Variants in SPNS1 observed in about 807,000 individuals in gnomAD.
SPNS1 encodes protein spinster homolog 1.
SPNS1 carries 22 observed loss-of-function variants against 50.3 expected under a neutral mutation model. The ratio of observed to expected loss-of-function variants is 0.44; its 90% CI spans 0.31 to 0.62. SPNS1 has a LOEUF of 0.62. Ranked by LOEUF, SPNS1 falls within the 20% of genes least tolerant of loss-of-function variation. The pLI is 0.07. For synonymous variants in SPNS1, 295 were observed against 317.4 expected, an observed-to-expected ratio of 0.93 and a Z score of 0.75; for missense variants, 576 against 728.6, an observed-to-expected ratio of 0.79 and a Z score of 2.41.
intron 8 of SPNS1, 116 bp downstream of exon 8, chr16:28,982,661 C>A: frequency 7.5e-7 from 1 of 1,326,412 alleles, no homozygotes; most frequent in East Asian, 2.3e-5. Context: ...TGGCTCTTCC[C>A]AGCTGTGTGA....
Position 28,983,180 on chromosome 16 carries a change from ACTC to A in SPNS1, c.1222-7_1222-5del. The A allele has an allele frequency of 6.3e-7, 1 of 1,592,562 alleles. No individual in the cohort carries two copies. The highest frequency in any genetic ancestry group is 8.6e-7 in the Non-Finnish European group (1 of 1,167,500). On this transcript the variant is annotated splice_polypyrimidine_tract_variant and intron_variant, in intron 9 of 11. Coordinates refer to ENST00000311008, the MANE Select transcript of SPNS1 (RefSeq NM_032038.3). This position sits in a 1 kb window ranked among gnomAD's most constrained non-coding sequence, Gnocchi z 5.4. ...CCAGAGCATCCACTGAGCTCCACCA[ACTC>A]CTCCACAGTACGTGGTGATCCCTAC... is the stretch of plus-strand genomic sequence containing the variant.
chr16:28,979,388 C>T lies in SPNS1; in HGVS notation c.597-17C>T, dbSNP rs745840934. On this transcript the variant is annotated splice_polypyrimidine_tract_variant and intron_variant, in intron 4 of 11. Transcript: ENST00000311008. ...TGACTGGCTGTCCCCCCTTTTTCCC[C>T]TCTCTCCCTCCCACAGTGGTCTGGG... 1 of 1,614,064 alleles carries T rather than the reference C, an allele frequency of 6.2e-7. No homozygotes were observed. Among genetic ancestry groups the T allele is most frequent in the Non-Finnish European group, 8.5e-7 (1 of 1,179,992 alleles).
In SPNS1 at chr16:28,981,099, G is replaced by C. The variant is rs1965533785; in HGVS notation, c.664-371G>C. Among the ~76,000 whole-genome samples the C allele has an allele frequency of 6.6e-6, 1 of 152,196 alleles. No individual in the cohort carries two copies. The highest frequency in any genetic ancestry group is 1.5e-5 in the Non-Finnish European group (1 of 68,032). The stretch of plus-strand genomic sequence containing the variant: ...CTTGGACCCTGGGGCCGTGTTTCCA[G>C]GATAGCGTCTGACTAGATGAACATG... On this transcript the variant is annotated intron_variant, in intron 5 of 11. Transcript: ENST00000311008. The surrounding 1 kb of genome is among the most constrained non-coding windows in gnomAD (Gnocchi z 4.2).
chr16:28,983,892 C>T lies in SPNS1; in HGVS notation c.1427C>T (p.Ala476Val). Reference protein sequence around the residue: ...LCAFVGALGGAAFLGTAIFIE... With the variant: ...LCAFVGALGGVAFLGTAIFIE... Reference sequence around the variant, plus strand: ...GCGTTTGTTGGGGCACTGGGCGGCGCAGCCTTCCTGGGCACCGCCATCTTC... The same window carrying T: ...GCGTTTGTTGGGGCACTGGGCGGCGTAGCCTTCCTGGGCACCGCCATCTTC... Residue 476 changes from alanine to valine, a missense_variant, in exon 11 of 12, where the codon GCA (alanine) becomes GTA (valine). Around this residue, in one of 3 missense-constraint regions of SPNS1, gnomAD observed 428 missense variants for 520.1 expected, o/e 0.82. Coordinates refer to ENST00000311008, the MANE Select transcript of SPNS1 (RefSeq NM_032038.3). The surrounding 1 kb of genome is among the most constrained non-coding windows in gnomAD (Gnocchi z 5.4). The T allele has an allele frequency of 2.5e-6, 4 of 1,601,462 alleles. No homozygotes were observed. Among genetic ancestry groups the T allele is most frequent in the South Asian group, 2.2e-5 (2 of 90,936 alleles).
chr16:28,982,349 C>T lies in SPNS1; in HGVS notation c.966-7C>T. The T allele has an allele frequency of 6.4e-7, 1 of 1,572,486 alleles. No individual in the cohort carries two copies. Among genetic ancestry groups the T allele is most frequent in the Non-Finnish European group, 8.7e-7 (1 of 1,154,994 alleles). On this transcript the variant is annotated splice_region_variant and splice_polypyrimidine_tract_variant and intron_variant, in intron 7 of 11. Transcript: ENST00000311008. ...ACAAACCCCCCATTCCCTTCCCTCACCCCTAGTCTCATCTTTGGACTCATC... is the reference window on the plus strand; with the variant it reads ...ACAAACCCCCCATTCCCTTCCCTCATCCCTAGTCTCATCTTTGGACTCATC...
At chr16:28,982,619 G>A (rs1036232985) in intron 8 of SPNS1, 74 bp downstream of exon 8, 11 of 1,474,992 alleles carry the variant, frequency 7.5e-6, no homozygotes, top group South Asian at 3.8e-5. Context: ...ATGGCCACTC[G>A]AGGTGGAATG....
rs373809494 is a variant in SPNS1, at chr16:28,975,589, G to A, written c.307+32G>A. 1.1e-5 allele frequency: 17 copies of A among 1,611,506 alleles called. No homozygotes were observed. In the African/African-American group the frequency reaches 1.7e-4, roughly 16 times the overall value. On this transcript the variant is annotated intron_variant, in intron 2 of 11. Transcript: ENST00000311008. The stretch of plus-strand genomic sequence containing the variant: ...GGGGACCACTCCTGGTCACACAGCC[G>A]CTCCTCCTTCTGTTCTGTCTCAAGT...
In SPNS1 at chr16:28,983,040, C is replaced by T. The variant is rs1316984413; in HGVS notation, c.1221+118C>T. The T allele has an allele frequency of 2.3e-6, 3 of 1,293,964 alleles. No homozygotes were observed. Among genetic ancestry groups the T allele is most frequent in the East Asian group, 4.8e-5 (2 of 42,074 alleles). 80.2% of individuals were successfully genotyped at this position (1,293,964 alleles called of 1,614,324 possible). ...TCAACCTACCTTCTGCAATAAATAA[C>T]ATCTGTAGCAGACCCCCGGCCTGCC... On this transcript the variant is annotated intron_variant, in intron 9 of 11. Transcript: ENST00000311008. This position sits in a 1 kb window ranked among gnomAD's most constrained non-coding sequence, Gnocchi z 5.4.
At chr16:28,982,964 G>A in intron 9 of SPNS1, 42 bp downstream of exon 9, 9 of 1,608,088 alleles carry the variant, frequency 5.6e-6, no homozygotes, top group Non-Finnish European at 7.7e-6. Flanking sequence ...AGAGGCTGAT[G>A]AGAGCAGAGT....
chr16:28,977,848 G>C, intron 2 of SPNS1, 60 bp from the exon 3 acceptor site: 1 of 1,590,634 alleles, frequency 6.3e-7, no homozygotes, highest in African/African-American at 1.3e-5. Context: ...GGTTCCAGCT[G>C]GGGTGGGAGT....
In SPNS1 at chr16:28,976,141, G is replaced by A. The variant is rs570727903; in HGVS notation, c.307+584G>A. On this transcript the variant is annotated intron_variant, in intron 2 of 11. Transcript: ENST00000311008. ...ACAAAAATTAGCCAGGCATGGTAGCGAGCGCCTGTAATCCCAGGTACTTGG... is the reference window on the plus strand; with the variant it reads ...ACAAAAATTAGCCAGGCATGGTAGCAAGCGCCTGTAATCCCAGGTACTTGG... 1.5e-4 allele frequency among the ~76,000 whole-genome samples: 23 copies of A among 152,254 alleles called. No individual in the cohort carries two copies. In the South Asian group the frequency reaches 4.4e-3, roughly 29 times the overall value.
rs1244180956 is a variant in SPNS1 at position 28,982,533 on chromosome 16, C to T, written c.1143C>T (p.Ile381=). ...CCCTTGCCTGCGCCCGTGGTAGCAT[C>T]GTGGCCACTTATGTGAGTAGCCAGC... is the stretch of plus-strand genomic sequence containing the variant. The part of the protein sequence containing the change: ...FLSLACARGS[I]VATYIFIFIG... The change falls in exon 8 of 12, where the codon ATC becomes ATT. Residue 381 remains isoleucine (I), a synonymous_variant. Coordinates refer to ENST00000311008, the MANE Select transcript of SPNS1 (RefSeq NM_032038.3). 3.7e-6 allele frequency: 6 copies of T among 1,608,686 alleles called. No individual in the cohort carries two copies. The highest frequency in any genetic ancestry group is 1.7e-5 in the Admixed American group (1 of 59,474).
intron 5 of SPNS1, 161 bp downstream of exon 5, chr16:28,979,632 C>A: frequency 1.4e-6 from 1 of 718,908 alleles, no homozygotes; most frequent in South Asian, 1.7e-5. Flanking sequence ...CTCACTGTAG[C>A]CTGGAACGCC....
intron 3 of SPNS1, chr16:28,978,920 A>G: frequency 1.7e-6 from 1 of 572,750 alleles, no homozygotes; most frequent in Non-Finnish European, 3.1e-6. Context: ...GCTCTGTGAA[A>G]AGTTGTTGTT....
In SPNS1 at chr16:28,983,480, G is replaced by A. The variant is rs1965630549; in HGVS notation, c.1320+190G>A. ...TAAGGCCAGGGACCTCACCCTGGTG[G>A]TCCAAACTCCTCCTTTCTTTTCTCT... On this transcript the variant is annotated intron_variant, in intron 10 of 11. Coordinates refer to ENST00000311008, the MANE Select transcript of SPNS1 (RefSeq NM_032038.3). The surrounding 1 kb of genome is among the most constrained non-coding windows in gnomAD (Gnocchi z 5.4). Among the ~76,000 whole-genome samples, 1 of 152,154 alleles carries A rather than the reference G, an allele frequency of 6.6e-6. No individual in the cohort carries two copies. Among genetic ancestry groups the A allele is most frequent in the Admixed American group, 6.5e-5 (1 of 15,272 alleles).
intron 5 of SPNS1, among the ~76,000 whole-genome samples, chr16:28,980,946 A>G (rs1347842631): frequency 6.6e-6 from 1 of 152,226 alleles, no homozygotes; most frequent in Non-Finnish European, 1.5e-5. Flanking sequence ...AGCTTCAGTC[A>G]GGTAAAGCTG....
chr16:28,981,123 T>C lies in SPNS1; in HGVS notation c.664-347T>C, dbSNP rs536501275. Among the ~76,000 whole-genome samples the C allele has an allele frequency of 2.0e-5, 3 of 152,306 alleles. No homozygotes were observed. The highest frequency in any genetic ancestry group is 6.5e-5 in the Admixed American group (1 of 15,292). On this transcript the variant is annotated intron_variant, in intron 5 of 11. Transcript: ENST00000311008. The surrounding 1 kb of genome is among the most constrained non-coding windows in gnomAD (Gnocchi z 4.2). ...AGGATAGCGTCTGACTAGATGAACATGCATCACGTGCCCTCTGCGGAATCC... is the reference window on the plus strand; with the variant it reads ...AGGATAGCGTCTGACTAGATGAACACGCATCACGTGCCCTCTGCGGAATCC...
At position 28,981,923 on chromosome 16, in the gene SPNS1, C is replaced by G; in HGVS notation, c.832C>G (p.Leu278Val). 1.2e-6 allele frequency: 2 copies of G among 1,614,228 alleles called. No homozygotes were observed. The highest frequency in any genetic ancestry group is 1.7e-6 in the Non-Finnish European group (2 of 1,180,030). ...CAGTCCTAGTTTCGTCCTGTCTTCC[C>G]TGGGCTTCACTGCTGTGGCCTTTGT... Reference protein sequence around the residue: ...ARNPSFVLSSLGFTAVAFVTG... With the variant: ...ARNPSFVLSSVGFTAVAFVTG... Residue 278 changes from leucine to valine, a missense_variant, in exon 7 of 12, where the codon CTG (leucine) becomes GTG (valine). Around this residue, in one of 3 missense-constraint regions of SPNS1, gnomAD observed 428 missense variants for 520.1 expected, o/e 0.82. Coordinates refer to ENST00000311008, the MANE Select transcript of SPNS1 (RefSeq NM_032038.3). The surrounding 1 kb of genome is among the most constrained non-coding windows in gnomAD (Gnocchi z 4.2).
In SPNS1 at chr16:28,983,167, C is replaced by G; in HGVS notation, c.1222-25C>G. The G allele has an allele frequency of 6.3e-7, 1 of 1,580,608 alleles. No homozygotes were observed. Among genetic ancestry groups the G allele is most frequent in the Non-Finnish European group, 8.7e-7 (1 of 1,150,038 alleles). On this transcript the variant is annotated intron_variant, in intron 9 of 11. Coordinates refer to ENST00000311008, the MANE Select transcript of SPNS1 (RefSeq NM_032038.3). The surrounding 1 kb of genome is among the most constrained non-coding windows in gnomAD (Gnocchi z 5.4). ...TGCCCCCTGGAGCCCAGAGCATCCA[C>G]TGAGCTCCACCAACTCCTCCACAGT...
Sources: gnomAD v4.1 joint callset for allele counts (sites outside exome capture counted in the v4.1 genomes callset) on GRCh38, gnomAD v4.1.1 for gene constraint, gnomAD v4.1.1 regional missense constraint, Gnocchi (gnomAD v3.1) non-coding constraint, MANE v1.5 for transcripts, NCBI Gene and HGNC (gene_info 2026-07-23, HGNC 2026-07-21) for gene names.